Variants in DTNB observed in about 807,000 individuals in gnomAD.
DTNB encodes the protein dystrobrevin beta, also known as DTN-B.
DTNB carries 63 observed loss-of-function variants against 90.7 expected under a neutral mutation model. That is an observed-to-expected ratio of 0.69 (90% confidence interval 0.57 to 0.86). DTNB has a LOEUF of 0.86. DTNB is among the 40% of genes least tolerant of loss of function. The probability of loss-of-function intolerance (pLI) is 0.00; values close to 1 mark genes in which losing one functional copy is unlikely to be tolerated. For synonymous variants in DTNB, 277 were observed against 286.7 expected, an observed-to-expected ratio of 0.97 and a Z score of 0.34; for missense variants, 744 against 807.1, an observed-to-expected ratio of 0.92 and a Z score of 0.95.
At position 25,584,850 on chromosome 2, in the gene DTNB, C is replaced by A. The variant is rs557072351; in HGVS notation, c.604-4024G>T. Among the ~76,000 whole-genome samples, 4 of 152,272 alleles carry A rather than the reference C, an allele frequency of 2.6e-5. No individual in the cohort carries two copies. In the South Asian group the frequency reaches 8.3e-4, roughly 32 times the overall value. On this transcript the variant is annotated intron_variant, in intron 6 of 20. Transcript: ENST00000406818. Reference sequence around the variant, plus strand: ...GGGATTACAGGCGTGAGCCACCATGCCCAGCCTCAATTTTAACTTCTAATA... The same window carrying A: ...GGGATTACAGGCGTGAGCCACCATGACCAGCCTCAATTTTAACTTCTAATA...
At chr2:25,570,702 C>T (rs1247642727) in intron 8 of DTNB, among the ~76,000 whole-genome samples, 2 of 152,168 alleles carry the variant, frequency 1.3e-5, no homozygotes, top group Non-Finnish European at 2.9e-5. Flanking sequence ...ACTCTCCTGG[C>T]TTTCATCCCA....
At chr2:25,631,992 C>G (rs1573726847) in intron 3 of DTNB, among the ~76,000 whole-genome samples, 2 of 152,098 alleles carry the variant, frequency 1.3e-5, no homozygotes, top group Admixed American at 1.3e-4. Context: ...GTCAGGAGTT[C>G]AAGACCAGCC....
chr2:25,429,679 T>C (rs1574317281), intron 14 of DTNB, among the ~76,000 whole-genome samples: 1 of 152,202 alleles, frequency 6.6e-6, no homozygotes, highest in East Asian at 1.9e-4. Context: ...CTTGCATGTA[T>C]TGAAGGATTA....
intron 12 of DTNB, among the ~76,000 whole-genome samples, chr2:25,438,204 G>C (rs2056461434): frequency 6.6e-6 from 1 of 152,148 alleles, no homozygotes; most frequent in Non-Finnish European, 1.5e-5. Context: ...TCTAGACCAG[G>C]GGTATCCAAT....
chr2:25,506,445 T>G (rs2072466983), intron 9 of DTNB, among the ~76,000 whole-genome samples: 1 of 152,082 alleles, frequency 6.6e-6, no homozygotes, highest in African/African-American at 2.4e-5. Context: ...GGGGGTTTGT[T>G]GTACAGATGA....
chr2:25,378,874 GTGACAGAA>G (rs1172241928), intron 20 of DTNB, among the ~76,000 whole-genome samples: 1 of 152,204 alleles, frequency 6.6e-6, no homozygotes, highest in Non-Finnish European at 1.5e-5. Flanking sequence ...GCAGTGCTGG[GTGACAGAA>G]TCCAGGGACG....
intron 6 of DTNB, among the ~76,000 whole-genome samples, chr2:25,586,069 T>C (rs1047186951): frequency 6.6e-6 from 1 of 152,176 alleles, no homozygotes; most frequent in Non-Finnish European, 1.5e-5. Context: ...TATATTTCTC[T>C]CATTGCAAAG....
chr2:25,447,649 C>T (rs951553350), intron 12 of DTNB, among the ~76,000 whole-genome samples: 4 of 151,744 alleles, frequency 2.6e-5, no homozygotes, highest in Admixed American at 6.6e-5. Flanking sequence ...GGATTACAGG[C>T]GTATGCCACC....
At chr2:25,394,143 G>T (rs1043829801) in intron 16 of DTNB, among the ~76,000 whole-genome samples, 2 of 151,912 alleles carry the variant, frequency 1.3e-5, no homozygotes, top group Non-Finnish European at 2.9e-5. Flanking sequence ...CAAAAAATGG[G>T]GAAAGGACAC....
intron 4 of DTNB, among the ~76,000 whole-genome samples, chr2:25,625,050 C>G (rs1415487752): frequency 2.0e-5 from 3 of 152,106 alleles, no homozygotes; most frequent in Admixed American, 6.5e-5. Flanking sequence ...TGTTCCTGAC[C>G]GTTGTTGTAG....
At chr2:25,409,850 T>C (rs2046164473) in intron 16 of DTNB, among the ~76,000 whole-genome samples, 1 of 152,224 alleles carries the variant, frequency 6.6e-6, no homozygotes, top group Non-Finnish European at 1.5e-5. Flanking sequence ...CAAGTCTACA[T>C]TGCTAGCCCT....
intron 9 of DTNB, among the ~76,000 whole-genome samples, chr2:25,526,362 A>AATATATATATATATAT (rs1273988960): frequency 7.0e-5 from 7 of 99,792 alleles, no homozygotes; most frequent in African/African-American, 3.0e-4. Flanking sequence ...AATATATATA[A>AATATATATATATATAT]ATATATATAT....
intron 2 of DTNB, among the ~76,000 whole-genome samples, chr2:25,645,600 C>G (rs1407081971): frequency 6.6e-6 from 1 of 151,970 alleles, no homozygotes; most frequent in African/African-American, 2.4e-5. Context: ...TGCCACCACA[C>G]CTGGCTAATT....
At chr2:25,439,020 A>G (rs1432688501) in intron 12 of DTNB, among the ~76,000 whole-genome samples, 1 of 152,214 alleles carries the variant, frequency 6.6e-6, no homozygotes, top group Non-Finnish European at 1.5e-5. Flanking sequence ...AAGTCAGAGA[A>G]ACTGTCACAG....
At chr2:25,602,168 A>G (rs1268442494) in intron 5 of DTNB, among the ~76,000 whole-genome samples, 1 of 152,112 alleles carries the variant, frequency 6.6e-6, no homozygotes, top group African/African-American at 2.4e-5. Context: ...TTAATATGCC[A>G]CATCATTAAG....
At chr2:25,390,981 C>G (rs1297366167) in intron 16 of DTNB, among the ~76,000 whole-genome samples, 1 of 151,052 alleles carries the variant, frequency 6.6e-6, no homozygotes, top group African/African-American at 2.4e-5. Context: ...ACCACAAGCT[C>G]CGCCTCCCGG....
chr2:25,489,138 C>T lies in DTNB; in HGVS notation c.1002-6265G>A, dbSNP rs537974083. 2.0e-5 allele frequency among the ~76,000 whole-genome samples: 3 copies of T among 152,300 alleles called. No individual in the cohort carries two copies. The South Asian group carries it at 6.2e-4, about 32-fold the overall frequency. On this transcript the variant is annotated intron_variant, in intron 9 of 20. Transcript: ENST00000406818. ...TTCATGCAGTTCCCTTGCGGCCAGA[C>T]CACTCCAGTTCATTCTGGTGATGCT...
intron 8 of DTNB, among the ~76,000 whole-genome samples, chr2:25,536,977 G>A (rs1333603929): frequency 2.6e-5 from 4 of 152,022 alleles, no homozygotes; most frequent in Non-Finnish European, 1.5e-5. Context: ...TCCTGACCTC[G>A]TGAACCACCT....
intron 1 of DTNB, among the ~76,000 whole-genome samples, chr2:25,670,698 C>T (rs910973631): frequency 1.3e-5 from 2 of 152,202 alleles, no homozygotes; most frequent in South Asian, 2.1e-4. Flanking sequence ...TCGTGTAATT[C>T]GAAATCAATA....
Sources: allele counts gnomAD v4.1 joint callset (sites outside exome capture counted in the v4.1 genomes callset), GRCh38; gene constraint gnomAD v4.1.1; transcripts MANE v1.5; gene names NCBI Gene and HGNC (gene_info 2026-07-23, HGNC 2026-07-21).